Variants in CWF19L2 observed in about 807,000 individuals in gnomAD.
The protein encoded by CWF19L2 is CWF19-like protein 2.
Under a neutral mutation model 111.7 loss-of-function variants are expected in CWF19L2, and 98 were observed. The ratio of observed to expected loss-of-function variants is 0.88; its 90% CI spans 0.75 to 1.04. The LOEUF (loss-of-function observed/expected upper bound fraction) is 1.04, where lower values mean the gene tolerates loss of function less well. Among genes scored for constraint, CWF19L2 ranks in the 50% least tolerant of loss-of-function variants. The pLI, the probability that CWF19L2 is intolerant of heterozygous loss-of-function variation, is 0.00. For synonymous variants in CWF19L2, 351 were observed against 342.9 expected (o/e 1.02, Z -0.26); for missense variants, 1,101 against 1,051.4 (o/e 1.05, Z -0.65).
intron 3 of CWF19L2, among the ~76,000 whole-genome samples, chr11:107,450,410 T>G (rs1015773926): frequency 6.6e-6 from 1 of 152,042 alleles, no homozygotes; most frequent in African/African-American, 2.4e-5. Context: ...ATATATATCC[T>G]GGACGTCGAA....
Position 107,326,732 on chromosome 11 carries a change from T to G in CWF19L2, c.*178A>C. The G allele has an allele frequency of 2.1e-6, 1 of 469,442 alleles. No individual in the cohort carries two copies. The highest frequency in any genetic ancestry group is 3.7e-6 in the Non-Finnish European group (1 of 267,626). 29.1% of individuals were successfully genotyped at this position (469,442 alleles called of 1,614,324 possible). A position where few individuals can be genotyped will look rare whatever the true frequency, so the allele number is the denominator to read the frequency against. ...TGGTGACTAAAATGAAGTCCATAGATAGGAGCAGGTGAAGAAGAAAACAAC... is the reference window on the plus strand; with the variant it reads ...TGGTGACTAAAATGAAGTCCATAGAGAGGAGCAGGTGAAGAAGAAAACAAC... On this transcript the variant is annotated 3_prime_UTR_variant, in exon 18 of 18. Transcript: ENST00000282251.
intron 10 of CWF19L2, among the ~76,000 whole-genome samples, chr11:107,399,687 G>A (rs1367327823): frequency 6.6e-6 from 1 of 152,096 alleles, no homozygotes; most frequent in East Asian, 1.9e-4. Context: ...AAGAAACAAC[G>A]AATTTAAACT....
At chr11:107,367,683 G>A (rs539739580) in intron 12 of CWF19L2, among the ~76,000 whole-genome samples, 2 of 76,184 alleles carry the variant, frequency 2.6e-5, no homozygotes, top group East Asian at 9.5e-4. Flanking sequence ...GTTGTGGGGT[G>A]GGGGGAGGGG....
chr11:107,417,369 A>G (rs1861241968), intron 9 of CWF19L2, among the ~76,000 whole-genome samples: 1 of 152,202 alleles, frequency 6.6e-6, no homozygotes, highest in African/African-American at 2.4e-5. Flanking sequence ...TATTTCTTAC[A>G]ATTCTGAGGT....
intron 10 of CWF19L2, among the ~76,000 whole-genome samples, chr11:107,397,031 A>T (rs533993008): frequency 8.6e-4 from 131 of 152,320 alleles, no homozygotes; most frequent in Non-Finnish European, 1.7e-3. Context: ...TGGGTCCCCA[A>T]ACAGCCCGTT....
intron 10 of CWF19L2, among the ~76,000 whole-genome samples, chr11:107,401,990 C>G (rs1750781887): frequency 6.6e-6 from 1 of 152,042 alleles, no homozygotes; most frequent in African/African-American, 2.4e-5. Flanking sequence ...GAAAGGACGC[C>G]CTTTTCAACA....
At chr11:107,433,261 T>C (rs979291444) in intron 7 of CWF19L2, among the ~76,000 whole-genome samples, 3 of 151,696 alleles carry the variant, frequency 2.0e-5, no homozygotes, top group African/African-American at 7.2e-5. Flanking sequence ...ATATACACTC[T>C]TTTAAAAAAA....
intron 3 of CWF19L2, 126 bp downstream of exon 3, chr11:107,454,324 G>T: frequency 1.4e-6 from 1 of 714,242 alleles, no homozygotes; most frequent in Non-Finnish European, 2.0e-6. Context: ...ATGTATCCCA[G>T]ATATTTTCAT....
At chr11:107,406,673 A>G (rs1242453108) in intron 10 of CWF19L2, among the ~76,000 whole-genome samples, 2 of 147,744 alleles carry the variant, frequency 1.4e-5, no homozygotes, top group Non-Finnish European at 1.5e-5. Flanking sequence ...ATAATATACT[A>G]TTGTGTTTTC....
intron 10 of CWF19L2, among the ~76,000 whole-genome samples, chr11:107,412,946 A>G (rs1450508774): frequency 2.0e-5 from 3 of 152,226 alleles, no homozygotes; most frequent in Admixed American, 6.5e-5. Context: ...GAGACTAAAA[A>G]GATCCGAGGT....
chr11:107,449,231 T>A (rs946388800), intron 3 of CWF19L2, among the ~76,000 whole-genome samples: 3 of 150,624 alleles, frequency 2.0e-5, no homozygotes, highest in African/African-American at 7.3e-5. Flanking sequence ...AACTTCTGAG[T>A]TTGTGGTAAA....
At chr11:107,416,950 T>G (rs1484226036) in intron 9 of CWF19L2, among the ~76,000 whole-genome samples, 1 of 152,230 alleles carries the variant, frequency 6.6e-6, no homozygotes, top group Admixed American at 6.5e-5. Context: ...TTTACTTTCT[T>G]GCTATCGTTA....
chr11:107,446,849 T>G (rs1285965676), intron 3 of CWF19L2, among the ~76,000 whole-genome samples: 1 of 152,222 alleles, frequency 6.6e-6, no homozygotes, highest in Non-Finnish European at 1.5e-5. Context: ...ATGCTCCCCA[T>G]GCTACGACTT....
chr11:107,454,017 G>A (rs886105878), intron 3 of CWF19L2, among the ~76,000 whole-genome samples: 1 of 152,140 alleles, frequency 6.6e-6, no homozygotes, highest in Non-Finnish European at 1.5e-5. Flanking sequence ...CAAGTCTAAG[G>A]TTTTTGACGC....
Position 107,353,544 on chromosome 11 carries a change from T to A in CWF19L2, c.2065A>T (p.Ile689Phe). The change falls in exon 13 of 18, where the codon ATT becomes TTT. Residue 689 changes from isoleucine to phenylalanine, a missense_variant. Coordinates refer to ENST00000282251, the MANE Select transcript of CWF19L2 (RefSeq NM_152434.3). The part of the protein sequence containing the change: ...FDSSQFPKHL[I>F]VAIGVKVYLC... ...CTTACCTTAACACCTATTGCAACAA[T>A]AAGATGCTTGGGAAATTGAGAGCTG... is the stretch of plus-strand genomic sequence containing the variant. 3 of 1,613,548 alleles carry A rather than the reference T, an allele frequency of 1.9e-6. No individual in the cohort carries two copies. The highest frequency in any genetic ancestry group is 2.5e-6 in the Non-Finnish European group (3 of 1,179,604).
chr11:107,360,632 T>C (rs1416766878), intron 12 of CWF19L2, among the ~76,000 whole-genome samples: 1 of 152,232 alleles, frequency 6.6e-6, no homozygotes, highest in South Asian at 2.1e-4. Flanking sequence ...TATCTCCACA[T>C]CCTCACAAGC....
At chr11:107,357,740 G>A (rs905438198) in intron 12 of CWF19L2, among the ~76,000 whole-genome samples, 5 of 152,076 alleles carry the variant, frequency 3.3e-5, no homozygotes, top group African/African-American at 1.2e-4. Context: ...TTTAGGCTTT[G>A]ATACAAATAT....
In CWF19L2 at chr11:107,428,831, T is replaced by C; in HGVS notation, c.1401A>G (p.Glu467=). 1 of 1,611,986 alleles carries C rather than the reference T, an allele frequency of 6.2e-7. No homozygotes were observed. The highest frequency in any genetic ancestry group is 8.5e-7 in the Non-Finnish European group (1 of 1,179,294). ...EVLRDDPPKK[E]HLRDTKSTFA... ...ATGTAGACTTTGTATCCCGTAGATG[T>C]TCTTTTTTTGGAGGGTCATCTCTCA... Residue 467 remains glutamate, a synonymous_variant, in exon 8 of 18, where the codon GAA becomes GAG. Coordinates refer to ENST00000282251, the MANE Select transcript of CWF19L2 (RefSeq NM_152434.3).
In CWF19L2 at chr11:107,456,407, C is replaced by T. The variant is rs1053316165; in HGVS notation, c.106-631G>A. 5.3e-5 allele frequency among the ~76,000 whole-genome samples: 8 copies of T among 152,096 alleles called. No homozygotes were observed. In the East Asian group the frequency reaches 1.5e-3, roughly 29 times the overall value. On this transcript the variant is annotated intron_variant, in intron 1 of 17. Coordinates refer to ENST00000282251, the MANE Select transcript of CWF19L2 (RefSeq NM_152434.3). ...TTATCTCAACTTACGAAACTTACTC[C>T]CTCCAAAAACTGCTGGAAATACCAA... is the stretch of plus-strand genomic sequence containing the variant.
Sources: allele counts gnomAD v4.1 joint callset (sites outside exome capture counted in the v4.1 genomes callset), GRCh38; gene constraint gnomAD v4.1.1; transcripts MANE v1.5; gene names NCBI Gene and HGNC (gene_info 2026-07-23, HGNC 2026-07-21).